Variants in ULK2 observed in about 807,000 individuals in gnomAD.
ULK2 encodes unc-51 like autophagy activating kinase 2.
A neutral mutation model predicts 127.5 loss-of-function variants in ULK2; 76 were observed. The observed-to-expected ratio is 0.60, with a 90% CI of 0.50 to 0.72. ULK2 has a LOEUF of 0.72. Ranked by LOEUF, ULK2 falls within the 30% of genes least tolerant of loss-of-function variation. ULK2 has a pLI of 0.00. For missense variants in ULK2, 1,144 were observed against 1,295.9 expected (o/e 0.88, Z 1.80); for synonymous variants, 452 against 461.9 (o/e 0.98, Z 0.28).
At chr17:19,808,981 A>G (rs943899520) in intron 14 of ULK2, among the ~76,000 whole-genome samples, 2 of 152,246 alleles carry the variant, frequency 1.3e-5, no homozygotes, top group African/African-American at 2.4e-5. Context: ...ACTCATGTTT[A>G]TAACAGCATG....
At chr17:19,823,126 A>ATTTTTTTT (rs3884213) in intron 12 of ULK2, among the ~76,000 whole-genome samples, 9 of 113,126 alleles carry the variant, frequency 8.0e-5, no homozygotes, top group Admixed American at 3.0e-4. Context: ...ACGCCTGGCT[A>ATTTTTTTT]TTTTTTTTTT....
chr17:19,781,843 G>C, intron 23 of ULK2, 46 bp downstream of exon 23: 1 of 1,590,478 alleles, frequency 6.3e-7, no homozygotes, highest in Non-Finnish European at 8.6e-7. Flanking sequence ...CACAAGTTTA[G>C]ACAAAGCATG....
At position 19,818,876 on chromosome 17, in the gene ULK2, C is replaced by T. The variant is rs370039531; in HGVS notation, c.925-1956G>A. On this transcript the variant is annotated intron_variant, in intron 12 of 26. Coordinates refer to ENST00000395544, the MANE Select transcript of ULK2 (RefSeq NM_014683.4). ...AGTACAGTGGCATGATCTTGGCTCA[C>T]TGCAACCTCTGCCACCCAGGTTCAA... Among the ~76,000 whole-genome samples the T allele has an allele frequency of 5.2e-5, 7 of 133,474 alleles. No individual in the cohort carries two copies. The East Asian group carries it at 1.6e-3, about 30-fold the overall frequency. 87.6% of individuals were successfully genotyped at this position (133,474 alleles called of 152,430 possible).
At position 19,845,443 on chromosome 17, in the gene ULK2, T is replaced by G. The variant is rs1481371897; in HGVS notation, c.470-66A>C. ...TCGCTCATACCTAACATATATCATA[T>G]GATTCTTCGAGACACAAGAAGGCAC... On this transcript the variant is annotated intron_variant, in intron 6 of 26. Coordinates refer to ENST00000395544, the MANE Select transcript of ULK2 (RefSeq NM_014683.4). 6.5e-6 allele frequency: 8 copies of G among 1,233,700 alleles called. No homozygotes were observed. In the Admixed American group the frequency reaches 1.2e-4, roughly 18 times the overall value. The allele number at this position is 1,233,700 out of a possible 1,614,324, so 76.4% of individuals were successfully genotyped here.
rs1407291177 is a variant in ULK2 at position 19,804,757 on chromosome 17, G to C, written c.1231C>G (p.Gln411Glu). The C allele has an allele frequency of 1.2e-6, 2 of 1,612,862 alleles. No homozygotes were observed. The highest frequency in any genetic ancestry group is 1.3e-5 in the African/African-American group (1 of 74,880). ...GATGTAAGATTCTGCTCTATGCGCT[G>C]ATAATTCCTTATTTGAGTAGGAACT... ...IPVPTQIRNY[Q>E]RIEQNLTSTA... Residue 411 changes from glutamine (Q) to glutamate (E), a missense_variant, in exon 15 of 27, where the codon CAG becomes GAG. Transcript: ENST00000395544.
rs200640235 is a variant in ULK2 at position 19,829,538 on chromosome 17, G to GA, written c.788-3353dup. Among the ~76,000 whole-genome samples the GA allele has an allele frequency of 7.4e-3, 233 of 31,638 alleles. 64 individuals are homozygous for GA. Among genetic ancestry groups the GA allele is most frequent in the Middle Eastern group, 0.059 (2 of 34 alleles). The allele number at this position is 31,638 out of a possible 152,430, so 20.8% of individuals were successfully genotyped here. A position where few individuals can be genotyped will look rare whatever the true frequency, so the allele number is the denominator to read the frequency against. On this transcript the variant is annotated intron_variant, in intron 10 of 26. Transcript: ENST00000395544. ...GGTGACAGGATGAGACCCTGTCAAG[G>GA]AAAAAAAAAAGGGGGGGGGCTGGGC...
At chr17:19,796,005 C>T in intron 19 of ULK2, 90 bp downstream of exon 19, 1 of 1,507,102 alleles carries the variant, frequency 6.6e-7, no homozygotes, top group Non-Finnish European at 8.9e-7. Flanking sequence ...ACCCGCTACA[C>T]TAATGTAGTC....
In ULK2 at chr17:19,838,514, A is replaced by C. The variant is rs1321186634; in HGVS notation, c.774T>G (p.Asp258Glu). The C allele has an allele frequency of 6.2e-7, 1 of 1,611,690 alleles. No individual in the cohort carries two copies. Among genetic ancestry groups the C allele is most frequent in the Non-Finnish European group, 8.5e-7 (1 of 1,179,138 alleles). The change falls in exon 10 of 27, where the codon GAT becomes GAG. Residue 258 changes from aspartate (D) to glutamate (E), a missense_variant. Physicochemically the swap from Asp to Glu is conservative, Grantham distance 45. Transcript: ENST00000395544. ...ACTATTTCTTACCAAAGTCCATTCT[A>C]TCTTTTTGGTTTCTCTGAAGCAAAC... ...LLGLLQRNQK[D>E]RMDFEAFFSH...
chr17:19,810,055 C>G (rs1431876617), intron 14 of ULK2, among the ~76,000 whole-genome samples: 2 of 151,832 alleles, frequency 1.3e-5, no homozygotes, highest in Non-Finnish European at 2.9e-5. Context: ...CCCAGTGAAA[C>G]CTTGTCTCTA....
rs980304339 is a variant in ULK2 at position 19,774,622 on chromosome 17, A to T, written c.*1727T>A. 1 of 152,270 alleles carries T rather than the reference A, an allele frequency of 6.6e-6. No individual in the cohort carries two copies. The highest frequency in any genetic ancestry group is 1.5e-5 in the Non-Finnish European group (1 of 68,054). 9.4% of individuals were successfully genotyped at this position (152,270 alleles called of 1,614,324 possible). A position where few individuals can be genotyped will look rare whatever the true frequency, so the allele number is the denominator to read the frequency against. Reference sequence around the variant, plus strand: ...ACAGTCTATGTTCCTGGAAGCCTGCATGACAGTAGCCAAGATCTAAATCCT... The same window carrying T: ...ACAGTCTATGTTCCTGGAAGCCTGCTTGACAGTAGCCAAGATCTAAATCCT... On this transcript the variant is annotated 3_prime_UTR_variant, in exon 27 of 27. Transcript: ENST00000395544.
At chr17:19,799,920 C>G (rs188507782) in intron 16 of ULK2, among the ~76,000 whole-genome samples, 16 of 152,338 alleles carry the variant, frequency 1.1e-4, no homozygotes, top group Non-Finnish European at 2.2e-4. Context: ...GCACAGCTAA[C>G]AGAGAGCCCC....
chr17:19,830,906 A>C (rs1380013946), intron 10 of ULK2, among the ~76,000 whole-genome samples: 1 of 151,938 alleles, frequency 6.6e-6, no homozygotes, highest in Non-Finnish European at 1.5e-5. Flanking sequence ...ACGCAGCTGT[A>C]ATTCCCGCTA....
chr17:19,858,545 T>C (rs2042178915), intron 3 of ULK2, among the ~76,000 whole-genome samples: 1 of 152,090 alleles, frequency 6.6e-6, no homozygotes, highest in Non-Finnish European at 1.5e-5. Flanking sequence ...CAAGAAATAC[T>C]AGTCACAAAT....
intron 1 of ULK2, among the ~76,000 whole-genome samples, chr17:19,866,035 A>T (rs1035682035): frequency 3.3e-5 from 5 of 152,238 alleles, no homozygotes; most frequent in African/African-American, 1.2e-4. Context: ...ACAAATATGA[A>T]GTCCACATGG....
chr17:19,778,780 T>C (rs922506414), intron 25 of ULK2, among the ~76,000 whole-genome samples: 3 of 151,958 alleles, frequency 2.0e-5, no homozygotes, highest in African/African-American at 4.8e-5. Flanking sequence ...AAAAAAATAA[T>C]TTCAAGCAGC....
intron 12 of ULK2, among the ~76,000 whole-genome samples, chr17:19,823,513 G>T (rs908423153): frequency 6.6e-6 from 1 of 152,080 alleles, no homozygotes; most frequent in African/African-American, 2.4e-5. Context: ...CTTCCCTGTT[G>T]TTCTTTCCTC....
chr17:19,862,724 C>A lies in ULK2; in HGVS notation c.225+2079G>T, dbSNP rs575262262. Among the ~76,000 whole-genome samples, 213 of 152,192 alleles carry A rather than the reference C, an allele frequency of 1.4e-3. 1 individual carries two copies. Among genetic ancestry groups the A allele is most frequent in the African/African-American group, 5.0e-3 (208 of 41,528 alleles). ...CAGGTGACCCACCTACCTCAGCCTTCCAAAGTCCTGGGATTACAGGTATAA... is the reference window on the plus strand; with the variant it reads ...CAGGTGACCCACCTACCTCAGCCTTACAAAGTCCTGGGATTACAGGTATAA... On this transcript the variant is annotated intron_variant, in intron 3 of 26. Transcript: ENST00000395544.
At chr17:19,844,725 T>C (rs1419845714) in intron 7 of ULK2, among the ~76,000 whole-genome samples, 4 of 152,136 alleles carry the variant, frequency 2.6e-5, no homozygotes, top group African/African-American at 4.8e-5. Context: ...AATAGGTACA[T>C]TTATTTTACA....
chr17:19,822,368 A>AT lies in ULK2; in HGVS notation c.924+2725dup, dbSNP rs531920568. ...AGTGACTTATTTTATTTTTTATTTT[A>AT]TTTTTTTTTTTGAGATAGAGTCTCG... is the stretch of plus-strand genomic sequence containing the variant. On this transcript the variant is annotated intron_variant, in intron 12 of 26. Transcript: ENST00000395544. 3.0e-3 allele frequency among the ~76,000 whole-genome samples: 436 copies of AT among 146,690 alleles called. 2 individuals carry two copies. The highest frequency in any genetic ancestry group is 8.6e-3 in the African/African-American group (345 of 40,186).
Sources: gnomAD v4.1 joint callset for allele counts (sites outside exome capture counted in the v4.1 genomes callset) on GRCh38, gnomAD v4.1.1 for gene constraint, MANE v1.5 for transcripts, NCBI Gene and HGNC (gene_info 2026-07-23, HGNC 2026-07-21) for gene names.